Variants in RYR1 observed in about 807,000 individuals in gnomAD.
The protein encoded by RYR1 is central core disease of muscle.
A neutral mutation model predicts 583.5 loss-of-function variants in RYR1; 342 were observed. The ratio of observed to expected loss-of-function variants is 0.59; its 90% confidence interval spans 0.54 to 0.64. RYR1 has a LOEUF of 0.64. RYR1 is among the 30% of genes least tolerant of loss of function. The pLI is 0.00. For missense variants in RYR1, 6,032 were observed against 6,917.2 expected (o/e 0.87, Z 4.54); for synonymous variants, 2,791 against 2,822.5 (o/e 0.99, Z 0.35).
intron 59 of RYR1, 22 bp from the exon 60 acceptor site, chr19:38,510,638 A>T (rs771051646): frequency 4.3e-5 from 70 of 1,613,272 alleles, no homozygotes; most frequent in Non-Finnish European, 5.3e-5. Context: ...TGGACCCTTT[A>T]TCTCCCCCAA....
rs1446516903 is a variant in RYR1, at chr19:38,585,922, T to G, written c.14804-16T>G. The G allele has an allele frequency of 6.2e-7, 1 of 1,613,928 alleles. No individual in the cohort carries two copies. The highest frequency in any genetic ancestry group is 1.3e-5 in the African/African-American group (1 of 74,874). On this transcript the variant is annotated splice_polypyrimidine_tract_variant and intron_variant, in intron 102 of 105. Coordinates refer to ENST00000359596, the MANE Select transcript of RYR1 (RefSeq NM_000540.3). ...AGGTCAGAGGTCGGGCACTGACTTG[T>G]GTCCTGCCACCCCAGGTCTGATCAT...
At chr19:38,436,205 CG>C in intron 1 of RYR1, among the ~76,000 whole-genome samples, 1 of 151,998 alleles carries the variant, frequency 6.6e-6, no homozygotes, top group Non-Finnish European at 1.5e-5. Context: ...CCACCACGCC[CG>C]GCCTTTTTTT....
chr19:38,509,693 G>A (rs150115670), intron 58 of RYR1, among the ~76,000 whole-genome samples: 228 of 152,064 alleles, frequency 1.5e-3, no homozygotes, highest in Non-Finnish European at 2.5e-3. Flanking sequence ...TCCTGACCTC[G>A]TGATCCACCC....
At chr19:38,526,035 C>G (rs1419558470) in intron 71 of RYR1, among the ~76,000 whole-genome samples, 1 of 151,954 alleles carries the variant, frequency 6.6e-6, no homozygotes, top group Non-Finnish European at 1.5e-5. Flanking sequence ...CTGTTGAAGC[C>G]CAACTAAGCC....
rs778411704 is a variant in RYR1 at position 38,483,330 on chromosome 19, G to T, written c.4748G>T (p.Arg1583Leu). ...PLSAAMFQSE[R>L]KNPAPQCPPR... is the part of the protein sequence containing the mutation. ...TCAGCCGCCATGTTCCAAAGCGAGC[G>T]CAAGAACCCGGCCCCGCAGTGCCCA... is the stretch of plus-strand genomic sequence containing the variant. The change falls in exon 33 of 106, where the codon CGC becomes CTC. Residue 1583 changes from arginine (R) to leucine (L), a missense_variant. By Grantham distance (102) the Arg-to-Leu change is moderately radical. Coordinates refer to ENST00000359596, the MANE Select transcript of RYR1 (RefSeq NM_000540.3). The surrounding 1 kb of genome is among the most constrained non-coding windows in gnomAD (Gnocchi z 6.3). The T allele has an allele frequency of 6.4e-7, 1 of 1,560,136 alleles. No homozygotes were observed. Among genetic ancestry groups the T allele is most frequent in the East Asian group, 2.4e-5 (1 of 41,956 alleles).
intron 87 of RYR1, among the ~76,000 whole-genome samples, chr19:38,545,525 A>C (rs1208047410): frequency 6.6e-6 from 1 of 152,102 alleles, no homozygotes; most frequent in Non-Finnish European, 1.5e-5. Flanking sequence ...TGAAATTACC[A>C]CTTTGGATCT....
In RYR1 at chr19:38,500,245, T is replaced by A. The variant is rs557792332; in HGVS notation, c.7323+229T>A. Among the ~76,000 whole-genome samples the A allele has an allele frequency of 7.3e-6, 1 of 136,776 alleles. No homozygotes were observed. Among genetic ancestry groups the A allele is most frequent in the Non-Finnish European group, 1.6e-5 (1 of 64,142 alleles). 89.7% of individuals were successfully genotyped at this position (136,776 alleles called of 152,430 possible). On this transcript the variant is annotated intron_variant, in intron 45 of 105. Transcript: ENST00000359596. This position sits in a 1 kb window ranked among gnomAD's most constrained non-coding sequence, Gnocchi z 5.9. ...ACACCCAGAGTGGTCAGGGCTGGGA[T>A]GGGGGAGCACAGGAAGAGGGGTCGG...
intron 92 of RYR1, among the ~76,000 whole-genome samples, chr19:38,567,505 C>T (rs1376329952): frequency 6.6e-6 from 1 of 152,118 alleles, no homozygotes; most frequent in African/African-American, 2.4e-5. Context: ...GGTGTCTCCT[C>T]CAGATTCCCA....
Position 38,578,158 on chromosome 19 carries a change from A to G in RYR1, c.14318A>G (p.Asp4773Gly), listed in dbSNP as rs747748830. 2 of 1,613,494 alleles carry G rather than the reference A, an allele frequency of 1.2e-6. No homozygotes were observed. The highest frequency in any genetic ancestry group is 4.5e-5 in the East Asian group (2 of 44,848). The change falls in exon 99 of 106, where the codon GAT (aspartate) becomes GGT (glycine). Residue 4773 changes from aspartate to glycine, a missense_variant. Physicochemically the swap from Asp to Gly is moderately conservative, Grantham distance 94. This residue lies in a region of RYR1 where 188 missense variants were observed against 215.6 expected (regional missense o/e 0.87). Transcript: ENST00000359596. ...PGLLTWLMSI[D>G]VKYQIWKFGV... ...CGCCCCCACAGGCTCATGTCCATCG[A>G]TGTCAAGTACCAGATCTGGAAGTTC...
At position 38,451,659 on chromosome 19, in the gene RYR1, G is replaced by A. The variant is rs555990038; in HGVS notation, c.1123-105G>A. The A allele has an allele frequency of 3.0e-6, 4 of 1,339,144 alleles. No individual in the cohort carries two copies. The African/African-American group carries it at 5.7e-5, about 19-fold the overall frequency. The allele number at this position is 1,339,144 out of a possible 1,614,324, so 83.0% of individuals were successfully genotyped here. On this transcript the variant is annotated intron_variant, in intron 11 of 105. Coordinates refer to ENST00000359596, the MANE Select transcript of RYR1 (RefSeq NM_000540.3). ...GGAATTTGCAGTGAGATTCTGCAGAGCAGGGAGGAGGGGGCAAGTGCAGAA... is the reference window on the plus strand; with the variant it reads ...GGAATTTGCAGTGAGATTCTGCAGAACAGGGAGGAGGGGGCAAGTGCAGAA...
At chr19:38,448,918 T>C in intron 11 of RYR1, 105 bp downstream of exon 11, 2 of 1,142,346 alleles carry the variant, frequency 1.8e-6, no homozygotes, top group Non-Finnish European at 2.5e-6. Flanking sequence ...TACTCCAGCC[T>C]GGGTGACAGA....
intron 20 of RYR1, among the ~76,000 whole-genome samples, chr19:38,462,210 G>C (rs7246304): frequency 0.65 from 99,373 of 152,044 alleles, 32,855 homozygotes; most frequent in Middle Eastern, 0.7. Context: ...GCCTCAGTTT[G>C]TTCCTCCGTG....
In RYR1 at chr19:38,494,635, C is replaced by T. The variant is rs368922705; in HGVS notation, c.6548+10C>T. On this transcript the variant is annotated intron_variant, in intron 39 of 105. Transcript: ENST00000359596. ...TGATCCAGAGCATCGGGTGAGACACCGCCCTTCCCCCTTACTTTGCATATC... is the reference window on the plus strand; with the variant it reads ...TGATCCAGAGCATCGGGTGAGACACTGCCCTTCCCCCTTACTTTGCATATC... 41 of 1,613,808 alleles carry T rather than the reference C, an allele frequency of 2.5e-5. No individual in the cohort carries two copies. In the Admixed American group the frequency reaches 3.0e-4, roughly 12 times the overall value.
intron 79 of RYR1, 98 bp downstream of exon 79, chr19:38,534,917 C>G: frequency 7.3e-7 from 1 of 1,363,158 alleles, no homozygotes; most frequent in African/African-American, 1.4e-5. Context: ...TGCCGCCCCT[C>G]AATGCCTGTG....
chr19:38,433,862 G>GGTCCAT lies in RYR1; in HGVS notation c.33_34insGTCCAT (p.Gln11_Phe12insValHis). On this transcript the variant is annotated inframe_insertion, in exon 1 of 106. Transcript: ENST00000359596. Reference sequence around the variant, plus strand: ...ACGCAGAAGGCGAAGACGAGGTCCAGTTCCTGCGGACGGTGCGTATCTCTG... The same window carrying GGTCCAT: ...ACGCAGAAGGCGAAGACGAGGTCCAGGTCCATTTCCTGCGGACGGTGCGTATCTCTG... 1.2e-6 allele frequency: 2 copies of GGTCCAT among 1,613,076 alleles called. No homozygotes were observed. The highest frequency in any genetic ancestry group is 1.7e-6 in the Non-Finnish European group (2 of 1,179,580).
intron 29 of RYR1, among the ~76,000 whole-genome samples, chr19:38,475,738 G>A (rs1968688734): frequency 6.6e-6 from 1 of 152,184 alleles, no homozygotes; most frequent in Admixed American, 6.5e-5. Context: ...ATAGACTAGG[G>A]ACCCCAACAT....
In RYR1 at chr19:38,459,149, A is replaced by G; in HGVS notation, c.2171A>G (p.His724Arg). The G allele has an allele frequency of 6.2e-7, 1 of 1,613,196 alleles. No individual in the cohort carries two copies. The highest frequency in any genetic ancestry group is 1.1e-5 in the South Asian group (1 of 91,048). ...CCATCTCTGGTGACTGATGCAGGAC[A>G]CGTGGCACGCCCAGTGACTTCCCCA... ...GFDGLHLWTG[H>R]VARPVTSPGQ... Residue 724 changes from histidine (H) to arginine (R), a missense_variant, in exon 19 of 106, where the codon CAC (histidine) becomes CGC (arginine). This residue lies in a region of RYR1 where 2,627 missense variants were observed against 2,961.3 expected (regional missense o/e 0.89). Coordinates refer to ENST00000359596, the MANE Select transcript of RYR1 (RefSeq NM_000540.3).
chr19:38,473,161 G>A (rs1007057054), intron 27 of RYR1, among the ~76,000 whole-genome samples: 9 of 152,082 alleles, frequency 5.9e-5, no homozygotes, highest in Non-Finnish European at 8.8e-5. Flanking sequence ...TGTACACGAC[G>A]CCCAGAGAAA....
In RYR1 at chr19:38,565,520, C is replaced by A; in HGVS notation, c.13186C>A (p.Pro4396Thr). 1 of 1,503,100 alleles carries A rather than the reference C, an allele frequency of 6.7e-7. No individual in the cohort carries two copies. Among genetic ancestry groups the A allele is most frequent in the Non-Finnish European group, 8.8e-7 (1 of 1,133,432 alleles). The allele number at this position is 1,503,100 out of a possible 1,614,324, so 93.1% of individuals were successfully genotyped here. The stretch of plus-strand genomic sequence containing the variant: ...CAGCGACGAGGTGCACGGCGAGCAG[C>A]CGGCCGGGCCGGGCGGAGACGCAGA... ...PTSDEVHGEQPAGPGGDADGE... is the reference protein window; with the variant it reads ...PTSDEVHGEQTAGPGGDADGE... The change falls in exon 91 of 106, where the codon CCG becomes ACG. Residue 4396 changes from proline to threonine, a missense_variant. By Grantham distance (38) the Pro-to-Thr change is conservative. This residue lies in a region of RYR1 where 753 missense variants were observed against 759.6 expected (regional missense o/e 0.99). Transcript: ENST00000359596. The surrounding 1 kb of genome is among the most constrained non-coding windows in gnomAD (Gnocchi z 4.7).
Sources: allele counts gnomAD v4.1 joint callset (sites outside exome capture counted in the v4.1 genomes callset), GRCh38; gene constraint gnomAD v4.1.1; regional missense constraint gnomAD v4.1.1; non-coding constraint Gnocchi (gnomAD v3.1); transcripts MANE v1.5; gene names NCBI Gene and HGNC (gene_info 2026-07-23, HGNC 2026-07-21).